Variants in PALS1 observed in about 807,000 individuals in gnomAD.
PALS1 encodes the protein protein PALS1.
In PALS1, 31 loss-of-function variants were observed where a neutral mutation model predicts 78.9. The ratio of observed to expected loss-of-function variants is 0.39; its 90% CI spans 0.30 to 0.53. The LOEUF is 0.53. PALS1 is among the 20% of genes least tolerant of loss of function. The pLI is 0.67. For missense variants in PALS1, 704 were observed against 826.5 expected (o/e 0.85, Z 1.82); for synonymous variants, 276 against 270.9 (o/e 1.02, Z -0.18).
At chr14:67,277,572 A>C (rs886745185) in intron 2 of PALS1, among the ~76,000 whole-genome samples, 5 of 151,938 alleles carry the variant, frequency 3.3e-5, no homozygotes, top group Non-Finnish European at 5.9e-5. Context: ...TAGTAGGTTT[A>C]TTACTGTAAA....
At chr14:67,306,753 C>T (rs1390846637) in intron 8 of PALS1, among the ~76,000 whole-genome samples, 2 of 152,136 alleles carry the variant, frequency 1.3e-5, no homozygotes, top group Non-Finnish European at 2.9e-5. Context: ...TTAAAATGAA[C>T]TGCTATTATT....
Position 67,276,466 on chromosome 14 carries a change from A to G in PALS1, c.-153-2552A>G, listed in dbSNP as rs533038549. ...TATCCTTATGTTTTGAGTGTTTCCT[A>G]TCACCTTTTACCACAGACCAAGTTT... On this transcript the variant is annotated intron_variant, in intron 2 of 14. Transcript: ENST00000261681. 2.0e-5 allele frequency among the ~76,000 whole-genome samples: 3 copies of G among 152,248 alleles called. No homozygotes were observed. The South Asian group carries it at 6.2e-4, about 32-fold the overall frequency.
chr14:67,314,217 TGA>T (rs2085135630), intron 9 of PALS1, among the ~76,000 whole-genome samples: 1 of 152,136 alleles, frequency 6.6e-6, no homozygotes, highest in Non-Finnish European at 1.5e-5. Context: ...AAAAAAAGAC[TGA>T]GAAATATTGA....
At chr14:67,326,432 C>T (rs1226396349) in intron 14 of PALS1, among the ~76,000 whole-genome samples, 2 of 151,460 alleles carry the variant, frequency 1.3e-5, no homozygotes, top group Non-Finnish European at 2.9e-5. Context: ...TAACAATATG[C>T]AATATATTTG....
rs114611101 is a variant in PALS1 at position 67,301,862 on chromosome 14, T to G, written c.655-110T>G. ...CTTTATTATTAGCTCTAATTAATTATAACACTTTTAAAGATTTAATGGTCA... is the reference window on the plus strand; with the variant it reads ...CTTTATTATTAGCTCTAATTAATTAGAACACTTTTAAAGATTTAATGGTCA... On this transcript the variant is annotated intron_variant, in intron 5 of 14. Coordinates refer to ENST00000261681, the MANE Select transcript of PALS1 (RefSeq NM_022474.4). 2.8e-4 allele frequency: 342 copies of G among 1,203,220 alleles called. No individual in the cohort carries two copies. The highest frequency in any genetic ancestry group is 3.7e-4 in the Non-Finnish European group (328 of 884,858). The allele number at this position is 1,203,220 out of a possible 1,614,324, so 74.5% of individuals were successfully genotyped here.
At chr14:67,269,351 G>A (rs2084377085) in intron 1 of PALS1, among the ~76,000 whole-genome samples, 1 of 152,066 alleles carries the variant, frequency 6.6e-6, no homozygotes, top group African/African-American at 2.4e-5. Context: ...GTGTGTGTGT[G>A]TAGATGTATG....
intron 2 of PALS1, chr14:67,271,330 G>C (rs2084403314): frequency 6.6e-6 from 1 of 152,192 alleles, no homozygotes. Flanking sequence ...GCCAGGGATA[G>C]TGGTTAAGAG....
intron 1 of PALS1, among the ~76,000 whole-genome samples, chr14:67,265,548 C>A (rs2140533562): frequency 6.6e-6 from 1 of 152,060 alleles, no homozygotes; most frequent in East Asian, 1.9e-4. Context: ...GAGCGAGACC[C>A]TATCTCTATT....
At chr14:67,300,224 T>TA (rs1566561547) in intron 4 of PALS1, among the ~76,000 whole-genome samples, 2 of 152,174 alleles carry the variant, frequency 1.3e-5, no homozygotes, top group Admixed American at 1.3e-4. Flanking sequence ...GTGGTAAAAT[T>TA]AATTAATCCC....
rs1439325433 is a variant in PALS1, at chr14:67,316,826, A to C, written c.1226-6A>C. 3 of 1,605,828 alleles carry C rather than the reference A, an allele frequency of 1.9e-6. No individual in the cohort carries two copies. Among genetic ancestry groups the C allele is most frequent in the Non-Finnish European group, 2.5e-6 (3 of 1,177,170 alleles). On this transcript the variant is annotated splice_region_variant and splice_polypyrimidine_tract_variant and intron_variant, in intron 9 of 14. Coordinates refer to ENST00000261681, the MANE Select transcript of PALS1 (RefSeq NM_022474.4). Reference sequence around the variant, plus strand: ...TTTTACCCTTCTTTTTCTTTCTGCTATTAAGGGAAAAGCTTTCAGCAGCAA... The same window carrying C: ...TTTTACCCTTCTTTTTCTTTCTGCTCTTAAGGGAAAAGCTTTCAGCAGCAA...
intron 1 of PALS1, among the ~76,000 whole-genome samples, chr14:67,255,140 T>TC (rs902090634): frequency 4.0e-5 from 6 of 151,740 alleles, no homozygotes; most frequent in African/African-American, 1.5e-4. Context: ...AGAGCGAGAC[T>TC]CCATCTCTCA....
intron 5 of PALS1, 50 bp downstream of exon 5, chr14:67,301,516 A>G (rs761606580): frequency 1.1e-5 from 15 of 1,377,432 alleles, no homozygotes; most frequent in Admixed American, 1.9e-5. Context: ...GCATTCTTCT[A>G]TTTTTTTAAA....
intron 2 of PALS1, among the ~76,000 whole-genome samples, chr14:67,273,324 C>T (rs2084444084): frequency 6.6e-6 from 1 of 151,776 alleles, no homozygotes; most frequent in Non-Finnish European, 1.5e-5. Flanking sequence ...ACCCTGTGTC[C>T]AAGTGTTCTC....
chr14:67,317,487 C>T lies in PALS1; in HGVS notation c.1369+8C>T. On this transcript the variant is annotated splice_region_variant and intron_variant, in intron 11 of 14. Coordinates refer to ENST00000261681, the MANE Select transcript of PALS1 (RefSeq NM_022474.4). ...ATGCCAATAAAAATGATGGTAAGTT[C>T]TACTCTCAGGGATAGGTGGAATTAT... The T allele has an allele frequency of 6.3e-7, 1 of 1,583,752 alleles. No individual in the cohort carries two copies. The highest frequency in any genetic ancestry group is 1.7e-5 in the Admixed American group (1 of 59,304).
At chr14:67,242,205 T>A (rs1349761655) in intron 1 of PALS1, among the ~76,000 whole-genome samples, 1 of 152,218 alleles carries the variant, frequency 6.6e-6, no homozygotes, top group Admixed American at 6.5e-5. Flanking sequence ...TAACTCACCT[T>A]CTGTTGATTG....
At chr14:67,284,553 A>AC (rs201768711) in intron 3 of PALS1, among the ~76,000 whole-genome samples, 22,609 of 117,752 alleles carry the variant, frequency 0.19, 4,516 homozygotes, top group East Asian at 0.48. Context: ...GTGCTAAAAA[A>AC]AAAAAAAAAA....
At chr14:67,305,761 A>G (rs74718161) in intron 8 of PALS1, among the ~76,000 whole-genome samples, 2,356 of 152,346 alleles carry the variant, frequency 0.015, 29 homozygotes, top group Non-Finnish European at 0.024. Context: ...TTTCAACCTA[A>G]GAATGAAATA....
intron 14 of PALS1, among the ~76,000 whole-genome samples, chr14:67,326,192 G>A (rs2085354613): frequency 8.5e-6 from 1 of 118,014 alleles, no homozygotes; most frequent in Non-Finnish European, 1.7e-5. Context: ...ACTTTGAATT[G>A]GCCATCCTAA....
chr14:67,279,683 GC>G, intron 3 of PALS1, 146 bp downstream of exon 3: 1 of 719,656 alleles, frequency 1.4e-6, no homozygotes, highest in Non-Finnish European at 2.1e-6. Flanking sequence ...TCGTGGAAAC[GC>G]CGTATAACTA....
Sources: gnomAD v4.1 joint callset for allele counts (sites outside exome capture counted in the v4.1 genomes callset) on GRCh38, gnomAD v4.1.1 for gene constraint, MANE v1.5 for transcripts, NCBI Gene and HGNC (gene_info 2026-07-23, HGNC 2026-07-21) for gene names.